CCDC148: variants seen among roughly 807,000 people sequenced by gnomAD.
CCDC148 encodes the protein coiled-coil domain containing 148.
A neutral mutation model predicts 85.7 loss-of-function variants in CCDC148; 89 were observed. That is an observed-to-expected ratio of 1.04 (90% confidence interval 0.87 to 1.24). The LOEUF (loss-of-function observed/expected upper bound fraction) is 1.24, where lower values mean the gene tolerates loss of function less well. CCDC148 is among the 50% of genes most tolerant of loss of function. CCDC148 has a pLI of 0.00. For missense variants in CCDC148, 692 were observed against 671.7 expected (o/e 1.03, Z -0.33); for synonymous variants, 230 against 213.9 (o/e 1.08, Z -0.66).
chr2:158,176,440 G>T, intron 13 of CCDC148, 81 bp downstream of exon 13: 1 of 1,386,422 alleles, frequency 7.2e-7, no homozygotes, highest in Non-Finnish European at 9.9e-7. Context: ...ATTGAAAACT[G>T]TTGTAACCCC....
intron 9 of CCDC148, among the ~76,000 whole-genome samples, chr2:158,284,179 G>A (rs180878621): frequency 6.6e-6 from 1 of 151,266 alleles, no homozygotes; most frequent in Non-Finnish European, 1.5e-5. Context: ...AATGCTAGAT[G>A]ACGAGTTAGT....
chr2:158,229,398 G>C (rs189474318), intron 10 of CCDC148, among the ~76,000 whole-genome samples: 119 of 152,256 alleles, frequency 7.8e-4, no homozygotes, highest in African/African-American at 2.7e-3. Context: ...CTAAAACATA[G>C]CATGTACTTA....
chr2:158,437,005 A>C (rs1455165235), intron 1 of CCDC148, among the ~76,000 whole-genome samples: 2 of 152,214 alleles, frequency 1.3e-5, no homozygotes, highest in African/African-American at 4.8e-5. Flanking sequence ...AACCAAAAAA[A>C]GTCCAGGACC....
chr2:158,278,789 C>T (rs146444116), intron 9 of CCDC148, among the ~76,000 whole-genome samples: 10,893 of 152,318 alleles, frequency 0.072, 536 homozygotes, highest in South Asian at 0.12. Flanking sequence ...TCTCCCAGCA[C>T]GCGGATGGAG....
intron 1 of CCDC148, among the ~76,000 whole-genome samples, chr2:158,435,684 A>C (rs933097119): frequency 3.3e-5 from 5 of 152,126 alleles, no homozygotes; most frequent in Non-Finnish European, 7.4e-5. Context: ...AGACTGGCAA[A>C]TTGGATAAAG....
At chr2:158,217,851 A>T (rs1315414444) in intron 11 of CCDC148, among the ~76,000 whole-genome samples, 2 of 152,320 alleles carry the variant, frequency 1.3e-5, no homozygotes, top group East Asian at 3.9e-4. Context: ...CTGATACGGA[A>T]AAAAAGTGTC....
intron 10 of CCDC148, among the ~76,000 whole-genome samples, chr2:158,243,419 G>T (rs1688434938): frequency 6.6e-6 from 1 of 152,142 alleles, no homozygotes; most frequent in Non-Finnish European, 1.5e-5. Context: ...AGCTGGCAGT[G>T]TTTCTAATAA....
intron 2 of CCDC148, among the ~76,000 whole-genome samples, chr2:158,349,946 C>G (rs1683177627): frequency 6.7e-6 from 1 of 150,350 alleles, no homozygotes; most frequent in African/African-American, 2.5e-5. Context: ...ATGATTGCTA[C>G]AGACTGTGAA....
chr2:158,303,130 A>AC (rs756166206), intron 9 of CCDC148, among the ~76,000 whole-genome samples: 9 of 152,052 alleles, frequency 5.9e-5, no homozygotes, highest in Non-Finnish European at 8.8e-5. Context: ...CATCTAAATT[A>AC]CCCCCCAAAA....
chr2:158,237,308 G>A (rs888449682), intron 10 of CCDC148, among the ~76,000 whole-genome samples: 5 of 152,134 alleles, frequency 3.3e-5, no homozygotes, highest in South Asian at 2.1e-4. Context: ...AGTCATTGAC[G>A]TGTTTTCTGC....
intron 2 of CCDC148, among the ~76,000 whole-genome samples, chr2:158,348,181 C>G (rs1490714280): frequency 6.6e-6 from 1 of 152,066 alleles, no homozygotes; most frequent in East Asian, 1.9e-4. Context: ...AAGCTATTCA[C>G]TGCAGTACCA....
At chr2:158,294,949 A>G (rs887854576) in intron 9 of CCDC148, among the ~76,000 whole-genome samples, 1 of 152,018 alleles carries the variant, frequency 6.6e-6, no homozygotes, top group African/African-American at 2.4e-5. Context: ...TTTTTAGTTT[A>G]GACTTTCTGA....
At chr2:158,372,605 A>G (rs1574712425) in intron 1 of CCDC148, among the ~76,000 whole-genome samples, 1 of 151,916 alleles carries the variant, frequency 6.6e-6, no homozygotes, top group Admixed American at 6.6e-5. Context: ...GGTCCCTTTT[A>G]CGCCTAACCT....
At chr2:158,334,252 TG>T (rs1200862665) in intron 7 of CCDC148, among the ~76,000 whole-genome samples, 1 of 152,196 alleles carries the variant, frequency 6.6e-6, no homozygotes, top group African/African-American at 2.4e-5. Context: ...TTTCTGCTCA[TG>T]TATTTCTGCT....
chr2:158,396,382 C>A (rs1273632800), intron 1 of CCDC148, among the ~76,000 whole-genome samples: 1 of 152,012 alleles, frequency 6.6e-6, no homozygotes, highest in Non-Finnish European at 1.5e-5. Flanking sequence ...CCTCATAGCA[C>A]CCCAACACTG....
At chr2:158,186,577 C>T (rs1685166068) in intron 11 of CCDC148, among the ~76,000 whole-genome samples, 1 of 152,044 alleles carries the variant, frequency 6.6e-6, no homozygotes, top group Admixed American at 6.6e-5. Flanking sequence ...GGTTCTTTTT[C>T]CTCTACATAT....
intron 9 of CCDC148, among the ~76,000 whole-genome samples, chr2:158,284,420 C>G (rs114460668): frequency 2.0e-5 from 3 of 152,060 alleles, no homozygotes; most frequent in African/African-American, 7.2e-5. Flanking sequence ...TGGTGAGGAA[C>G]GAATGTGACA....
At chr2:158,384,474 T>A (rs1408041219) in intron 1 of CCDC148, among the ~76,000 whole-genome samples, 1 of 152,074 alleles carries the variant, frequency 6.6e-6, no homozygotes, top group Non-Finnish European at 1.5e-5. Flanking sequence ...TCTCATGAGA[T>A]CTGTTTGTTT....
rs779623988 is a variant in CCDC148, at chr2:158,309,608, C to T, written c.935G>A (p.Arg312His). Residue 312 changes from arginine to histidine, a missense_variant, in exon 9 of 14, where the codon CGC (arginine) becomes CAC (histidine). Coordinates refer to ENST00000283233, the MANE Select transcript of CCDC148 (RefSeq NM_138803.4). ...GATATTTTGCTGCTCTATAGCAAAGCGATATTGGTCACAATATTTCTCGTG... is the reference window on the plus strand; with the variant it reads ...GATATTTTGCTGCTCTATAGCAAAGTGATATTGGTCACAATATTTCTCGTG... ...VEHEKYCDQYRFAIEQQNILI... is the reference protein window; with the variant it reads ...VEHEKYCDQYHFAIEQQNILI... 39 of 1,612,864 alleles carry T rather than the reference C, an allele frequency of 2.4e-5. 1 individual carries two copies. The highest frequency in any genetic ancestry group is 1.2e-4 in the South Asian group (11 of 90,970).
Sources: allele counts gnomAD v4.1 joint callset (sites outside exome capture counted in the v4.1 genomes callset), GRCh38; gene constraint gnomAD v4.1.1; transcripts MANE v1.5; gene names NCBI Gene and HGNC (gene_info 2026-07-23, HGNC 2026-07-21).